Variants in ATAD2B observed in about 807,000 individuals in gnomAD.
ATAD2B encodes the protein ATPase family AAA domain-containing protein 2B.
Under a neutral mutation model 167.6 loss-of-function variants are expected in ATAD2B, and 40 were observed. The ratio of observed to expected loss-of-function variants is 0.24; its 90% CI spans 0.19 to 0.31. The LOEUF (loss-of-function observed/expected upper bound fraction) is 0.31. Among genes scored for constraint, ATAD2B ranks in the 10% least tolerant of loss-of-function variants. ATAD2B has a pLI of 1.00. For missense variants in ATAD2B, 1,242 were observed against 1,757.2 expected (o/e 0.71, Z 5.24); for synonymous variants, 579 against 596.5 (o/e 0.97, Z 0.43).
At chr2:23,756,402 A>T (rs1213618273) in intron 25 of ATAD2B, among the ~76,000 whole-genome samples, 1 of 152,122 alleles carries the variant, frequency 6.6e-6, no homozygotes, top group African/African-American at 2.4e-5. Context: ...GAAAAAAAAA[A>T]AATTTTCCCA....
At chr2:23,895,759 C>T in intron 2 of ATAD2B, 60 bp downstream of exon 2, 2 of 1,300,850 alleles carry the variant, frequency 1.5e-6, no homozygotes, top group East Asian at 5.2e-5. Flanking sequence ...GCATTAATAT[C>T]AGCCCTGAAT....
At chr2:23,887,553 A>C (rs1698874381) in intron 4 of ATAD2B, among the ~76,000 whole-genome samples, 1 of 152,192 alleles carries the variant, frequency 6.6e-6, no homozygotes, top group Non-Finnish European at 1.5e-5. Context: ...GTAAAGATTA[A>C]GTAGGATGAC....
At chr2:23,779,901 T>C (rs1395513566) in intron 22 of ATAD2B, among the ~76,000 whole-genome samples, 1 of 152,148 alleles carries the variant, frequency 6.6e-6, no homozygotes, top group Admixed American at 6.5e-5. Context: ...GTGATGGAAT[T>C]AATACGTTTT....
chr2:23,856,140 G>A (rs2149958806), intron 13 of ATAD2B: 1 of 147,302 alleles, frequency 6.8e-6, no homozygotes, highest in South Asian at 1.9e-4. Flanking sequence ...AGTGAGCCAA[G>A]ATCCCGCCAC....
At chr2:23,793,551 C>T (rs1409012485) in intron 19 of ATAD2B, among the ~76,000 whole-genome samples, 3 of 152,134 alleles carry the variant, frequency 2.0e-5, no homozygotes. Flanking sequence ...AGTAAATTTA[C>T]TTACACTACA....
At chr2:23,811,528 A>G (rs900222363) in intron 17 of ATAD2B, 17 of 152,170 alleles carry the variant, frequency 1.1e-4, no homozygotes, top group African/African-American at 3.6e-4. Context: ...GTTCTCACTC[A>G]TAAGTGGGAG....
At chr2:23,739,777 A>G in the ATAD2B span, among the ~76,000 whole-genome samples, 15,273 of 152,188 alleles carry the variant, frequency 0.1, 866 homozygotes, top group Middle Eastern at 0.17. Flanking sequence ...TTTTTTGAAA[A>G]GATCAACAAA....
intron 8 of ATAD2B, among the ~76,000 whole-genome samples, chr2:23,871,852 GA>G (rs2150113621): frequency 6.6e-6 from 1 of 152,154 alleles, no homozygotes. Flanking sequence ...CCATTTTTGT[GA>G]GGGAAGAAGG....
intron 6 of ATAD2B, chr2:23,883,619 C>T: frequency 7.7e-7 from 1 of 1,297,112 alleles, no homozygotes; most frequent in Admixed American, 2.3e-5. Flanking sequence ...CCAAAGGAAG[C>T]AATTTAGAGG....
At chr2:23,791,708 TC>T (rs1415784798) in intron 19 of ATAD2B, among the ~76,000 whole-genome samples, 1 of 152,250 alleles carries the variant, frequency 6.6e-6, no homozygotes, top group Non-Finnish European at 1.5e-5. Context: ...ACAACATGCA[TC>T]AAAATTTTCT....
the ATAD2B span, among the ~76,000 whole-genome samples, chr2:23,735,555 G>A: frequency 1.3e-5 from 2 of 152,282 alleles, no homozygotes; most frequent in East Asian, 3.9e-4. Flanking sequence ...TCCATGGCTT[G>A]AAGCTCATCA....
the ATAD2B span, chr2:23,691,565 C>A: frequency 1.2e-6 from 1 of 847,596 alleles, no homozygotes; most frequent in Non-Finnish European, 1.9e-6. Context: ...GTCCTTTGAG[C>A]CCTAAAACCA....
rs530221810 is a variant in ATAD2B at position 23,887,729 on chromosome 2, A to C, written c.572+103T>G. 5 of 1,055,288 alleles carry C rather than the reference A, an allele frequency of 4.7e-6. No homozygotes were observed. The African/African-American group carries it at 8.3e-5, about 17-fold the overall frequency. 65.4% of individuals were successfully genotyped at this position (1,055,288 alleles called of 1,614,324 possible). ...CAGCTTCAAGTTAAGTTTTTAAAGA[A>C]CTGTATTGATTGCTAAGTCGTTGCT... On this transcript the variant is annotated intron_variant, in intron 4 of 27. Transcript: ENST00000238789.
intron 14 of ATAD2B, among the ~76,000 whole-genome samples, chr2:23,830,817 T>C (rs527495703): frequency 9.8e-4 from 149 of 152,104 alleles, no homozygotes; most frequent in African/African-American, 3.5e-3. Flanking sequence ...GGCAGTGTGC[T>C]GCTAAGGGTG....
the ATAD2B span, chr2:23,696,077 T>C: frequency 1.9e-6 from 3 of 1,551,800 alleles, no homozygotes; most frequent in Non-Finnish European, 2.6e-6. This position sits in a 1 kb window ranked among gnomAD's most constrained non-coding sequence, Gnocchi z 5.5. Context: ...TCGCTGCCCT[T>C]CTATGACCGC....
the ATAD2B span, among the ~76,000 whole-genome samples, chr2:23,720,748 C>T: frequency 6.6e-6 from 1 of 152,106 alleles, no homozygotes; most frequent in Non-Finnish European, 1.5e-5. Flanking sequence ...TGCCTGCAGT[C>T]CTTACAAAAA....
In ATAD2B at chr2:23,750,060, T is replaced by C. The variant is rs555973183; in HGVS notation, c.*1986A>G. The C allele has an allele frequency of 1.3e-5, 2 of 152,244 alleles. No individual in the cohort carries two copies. The highest frequency in any genetic ancestry group is 3.9e-4 in the East Asian group (2 of 5,188). 9.4% of individuals were successfully genotyped at this position (152,244 alleles called of 1,614,324 possible). A position where few individuals can be genotyped will look rare whatever the true frequency, so the allele number is the denominator to read the frequency against. The stretch of plus-strand genomic sequence containing the variant: ...AATTCTGTAACAATTTCCATCAAAA[T>C]ACAAAATGCTAATGTATTAGACAAT... On this transcript the variant is annotated 3_prime_UTR_variant, in exon 28 of 28. Coordinates refer to ENST00000238789, the MANE Select transcript of ATAD2B (RefSeq NM_017552.4).
Position 23,880,762 on chromosome 2 carries a change from T to G in ATAD2B, c.785-7A>C, listed in dbSNP as rs775319674. On this transcript the variant is annotated splice_polypyrimidine_tract_variant and splice_region_variant and intron_variant, in intron 6 of 27. Transcript: ENST00000238789. Reference sequence around the variant, plus strand: ...CCATCCTCCTCTTGAGATTCTAGTTTCCCACACACAAAAAGAAAAGAAAAA... The same window carrying G: ...CCATCCTCCTCTTGAGATTCTAGTTGCCCACACACAAAAAGAAAAGAAAAA... The G allele has an allele frequency of 2.6e-6, 4 of 1,511,038 alleles. No individual in the cohort carries two copies. Among genetic ancestry groups the G allele is most frequent in the Non-Finnish European group, 2.7e-6 (3 of 1,094,480 alleles). 93.6% of individuals were successfully genotyped at this position (1,511,038 alleles called of 1,614,324 possible).
At chr2:23,745,815 T>C (rs1173176528), downstream of ATAD2B, among the ~76,000 whole-genome samples, 2 of 152,240 alleles carry the variant, frequency 1.3e-5, no homozygotes, top group East Asian at 3.8e-4. Flanking sequence ...GTTTACTCTT[T>C]GCTGACTAGA....
Sources: gnomAD v4.1 joint callset for allele counts (sites outside exome capture counted in the v4.1 genomes callset) on GRCh38, gnomAD v4.1.1 for gene constraint, Gnocchi (gnomAD v3.1) non-coding constraint, MANE v1.5 for transcripts, NCBI Gene and HGNC (gene_info 2026-07-23, HGNC 2026-07-21) for gene names.